Variants in MAST4 observed in about 807,000 individuals in gnomAD.
The protein encoded by MAST4 is microtubule associated serine/threonine kinase family member 4, also known as microtubule-associated serine/threonine-protein kinase 4.
In MAST4, 89 loss-of-function variants were observed where a neutral mutation model predicts 162.7. The ratio of observed to expected loss-of-function variants is 0.55; its 90% confidence interval spans 0.46 to 0.65. The LOEUF (loss-of-function observed/expected upper bound fraction) is 0.65, where lower values mean the gene tolerates loss of function less well. Ranked by LOEUF, MAST4 falls within the 30% of genes least tolerant of loss-of-function variation. MAST4 has a pLI of 0.00. For missense variants in MAST4, 3,153 were observed against 3,374.0 expected (o/e 0.93, Z 1.62); for synonymous variants, 1,479 against 1,361.1 (o/e 1.09, Z -1.91).
chr5:66,633,417 C>T lies in MAST4; in HGVS notation c.363+36399C>T, dbSNP rs557509091. 3.5e-3 allele frequency among the ~76,000 whole-genome samples: 528 copies of T among 152,284 alleles called. 3 individuals are homozygous for T. The highest frequency in any genetic ancestry group is 0.012 in the African/African-American group (496 of 41,566). On this transcript the variant is annotated intron_variant, in intron 1 of 28. Transcript: ENST00000403625. ...GGGTGTACAACTGGGAATTCATAGA[C>T]ATGCAGTGATCTAACCAGATTGGGA...
Position 66,710,799 on chromosome 5 carries a change from T to TC in MAST4, c.364-48910_364-48909insC, listed in dbSNP as rs1750448144. 1.3e-5 allele frequency among the ~76,000 whole-genome samples: 2 copies of TC among 152,348 alleles called. 1 individual carries two copies. The highest frequency in any genetic ancestry group is 4.1e-4 in the South Asian group (2 of 4,834). On this transcript the variant is annotated intron_variant, in intron 1 of 28. Transcript: ENST00000403625. ...AGGAGGTGCTTCCCCAAAAGGGATTTATTCTATGAGTCATTTGAATCTAAT... is the reference window on the plus strand; with the variant it reads ...AGGAGGTGCTTCCCCAAAAGGGATTTCATTCTATGAGTCATTTGAATCTAAT...
chr5:67,152,495 C>A (rs1430650281), intron 24 of MAST4, 142 bp from the exon 25 acceptor site: 2 of 659,220 alleles, frequency 3.0e-6, no homozygotes, highest in Non-Finnish European at 5.3e-6. Flanking sequence ...TGTATTATTT[C>A]ATCTTCATTT....
At chr5:66,861,185 G>GGCTCTA in intron 3 of MAST4, among the ~76,000 whole-genome samples, 1 of 152,192 alleles carries the variant, frequency 6.6e-6, no homozygotes, top group Non-Finnish European at 1.5e-5. Context: ...GAGCTCATGG[G>GGCTCTA]GACCTGAAGC....
chr5:66,805,819 T>G (rs1756157470), intron 3 of MAST4, among the ~76,000 whole-genome samples: 1 of 152,194 alleles, frequency 6.6e-6, no homozygotes, highest in Non-Finnish European at 1.5e-5. Context: ...TGGGGATGTT[T>G]TCAGAGACAG....
intron 3 of MAST4, among the ~76,000 whole-genome samples, chr5:66,805,117 G>T (rs530691368): frequency 2.0e-5 from 3 of 152,228 alleles, no homozygotes; most frequent in South Asian, 4.1e-4. Flanking sequence ...ATCTTTAGGG[G>T]TTAATATTTA....
chr5:67,019,905 A>C (rs1286926544), intron 4 of MAST4, among the ~76,000 whole-genome samples: 1 of 152,204 alleles, frequency 6.6e-6, no homozygotes, highest in East Asian at 1.9e-4. Context: ...AGATGAGGAA[A>C]TTAATATTTA....
At chr5:66,862,677 A>G (rs930340011) in intron 3 of MAST4, among the ~76,000 whole-genome samples, 22 of 152,348 alleles carry the variant, frequency 1.4e-4, no homozygotes, top group African/African-American at 4.6e-4. Context: ...GCTACCAGAA[A>G]TTTGAACTAT....
At chr5:66,842,228 T>A (rs1170799489) in intron 3 of MAST4, among the ~76,000 whole-genome samples, 1 of 152,176 alleles carries the variant, frequency 6.6e-6, no homozygotes, top group African/African-American at 2.4e-5. Flanking sequence ...TAGTAGAGAT[T>A]CAGCATTAGA....
At chr5:67,047,858 GGAGGAA>G (rs1757566903) in intron 4 of MAST4, among the ~76,000 whole-genome samples, 1 of 152,172 alleles carries the variant, frequency 6.6e-6, no homozygotes, top group Non-Finnish European at 1.5e-5. Context: ...TGCCTTCTAA[GGAGGAA>G]TAGTGCTTAT....
At chr5:66,666,264 A>T (rs1043678360) in intron 1 of MAST4, among the ~76,000 whole-genome samples, 5 of 152,146 alleles carry the variant, frequency 3.3e-5, no homozygotes, top group Non-Finnish European at 7.4e-5. Flanking sequence ...AATGTCTGTG[A>T]TGGTAATGAT....
chr5:66,828,770 A>G, intron 3 of MAST4: 1 of 1,569,884 alleles, frequency 6.4e-7, no homozygotes, highest in Non-Finnish European at 8.6e-7. Flanking sequence ...CGGGCTCTGA[A>G]TTAGCGTGCT....
chr5:66,915,480 G>A (rs1436343961), intron 4 of MAST4, among the ~76,000 whole-genome samples: 1 of 152,116 alleles, frequency 6.6e-6, no homozygotes, highest in East Asian at 1.9e-4. Flanking sequence ...TTTAAAAAAA[G>A]AATAGCTTGA....
At chr5:66,691,224 G>A (rs1380033678) in intron 1 of MAST4, among the ~76,000 whole-genome samples, 1 of 152,036 alleles carries the variant, frequency 6.6e-6, no homozygotes, top group Non-Finnish European at 1.5e-5. Flanking sequence ...TTTTCTTTGG[G>A]AAAAATAGGG....
chr5:66,679,100 A>G (rs1211650097), intron 1 of MAST4, among the ~76,000 whole-genome samples: 1 of 152,148 alleles, frequency 6.6e-6, no homozygotes, highest in Non-Finnish European at 1.5e-5. Context: ...CTTAACTACA[A>G]TTTTTATTTG....
At chr5:66,708,556 T>A (rs1377819090) in intron 1 of MAST4, among the ~76,000 whole-genome samples, 1 of 129,316 alleles carries the variant, frequency 7.7e-6, no homozygotes, top group Non-Finnish European at 1.7e-5. Context: ...CAGTGTAGAC[T>A]GTTCTGACCT....
chr5:66,720,143 A>G (rs191060521), intron 1 of MAST4, among the ~76,000 whole-genome samples: 7 of 148,354 alleles, frequency 4.7e-5, no homozygotes, highest in African/African-American at 1.5e-4. Context: ...GTTTAATATG[A>G]GTTTATTAAA....
intron 4 of MAST4, among the ~76,000 whole-genome samples, chr5:66,958,319 C>T (rs564147784): frequency 6.6e-5 from 10 of 152,236 alleles, no homozygotes; most frequent in African/African-American, 9.6e-5. Context: ...GAGTCAGTTA[C>T]GTTCTTCATA....
At chr5:66,626,424 G>T (rs563537856) in intron 1 of MAST4, among the ~76,000 whole-genome samples, 2 of 152,132 alleles carry the variant, frequency 1.3e-5, no homozygotes, top group African/African-American at 4.8e-5. Context: ...CACTACTGAT[G>T]GTTCTCACTG....
At chr5:66,692,695 C>G (rs1749127766) in intron 1 of MAST4, among the ~76,000 whole-genome samples, 1 of 152,166 alleles carries the variant, frequency 6.6e-6, no homozygotes, top group South Asian at 2.1e-4. Context: ...TTTTGATTCC[C>G]TTACCGTTCT....
Sources: gnomAD v4.1 joint callset for allele counts (sites outside exome capture counted in the v4.1 genomes callset) on GRCh38, gnomAD v4.1.1 for gene constraint, MANE v1.5 for transcripts, NCBI Gene and HGNC (gene_info 2026-07-23, HGNC 2026-07-21) for gene names.